The following PTPRK variants were observed in gnomAD, a reference collection of about 807,000 sequenced individuals.
PTPRK encodes the protein protein tyrosine phosphatase receptor type K.
In PTPRK, 75 loss-of-function variants were observed where a neutral mutation model predicts 178.0. The observed-to-expected ratio is 0.42, with a 90% CI of 0.35 to 0.51. The LOEUF (loss-of-function observed/expected upper bound fraction) is 0.51. PTPRK is among the 20% of genes least tolerant of loss of function. The probability of loss-of-function intolerance (pLI) is 0.02; values close to 1 mark genes in which losing one functional copy is unlikely to be tolerated. For synonymous variants in PTPRK, 637 were observed against 620.6 expected, an observed-to-expected ratio of 1.03 and a Z score of -0.39; for missense variants, 1,441 against 1,797.8, an observed-to-expected ratio of 0.80 and a Z score of 3.59.
intron 3 of PTPRK, among the ~76,000 whole-genome samples, chr6:128,285,345 T>C (rs939472312): frequency 9.3e-5 from 14 of 151,078 alleles, no homozygotes; most frequent in African/African-American, 2.9e-4. Flanking sequence ...TGAAACCCTG[T>C]CTCTACTAAA....
chr6:128,087,701 A>G (rs1489345695), intron 8 of PTPRK, among the ~76,000 whole-genome samples: 1 of 152,182 alleles, frequency 6.6e-6, no homozygotes, highest in Non-Finnish European at 1.5e-5. Flanking sequence ...TACCTCAAAC[A>G]TGACAAAAGC....
intron 20 of PTPRK, among the ~76,000 whole-genome samples, 161 bp from the exon 21 acceptor site, chr6:127,991,046 C>T (rs543479250): frequency 6.6e-6 from 1 of 151,982 alleles, no homozygotes; most frequent in Non-Finnish European, 1.5e-5. Flanking sequence ...TTTATATAGT[C>T]TCACAAAAAA....
intron 3 of PTPRK, among the ~76,000 whole-genome samples, chr6:128,313,621 G>C (rs141785410): frequency 2.6e-5 from 4 of 152,252 alleles, no homozygotes; most frequent in Admixed American, 6.5e-5. Flanking sequence ...AGAAAGATTA[G>C]AGTAGTTGCC....
At chr6:128,041,202 C>T (rs182598396) in intron 13 of PTPRK, among the ~76,000 whole-genome samples, 64 of 152,160 alleles carry the variant, frequency 4.2e-4, no homozygotes, top group Non-Finnish European at 3.4e-4. Flanking sequence ...GTTTTAAACA[C>T]ATAAAACAAA....
At chr6:128,195,312 C>T in intron 6 of PTPRK, among the ~76,000 whole-genome samples, 1 of 151,958 alleles carries the variant, frequency 6.6e-6, no homozygotes, top group East Asian at 1.9e-4. Context: ...ATTATAAATA[C>T]ATACTTTGTA....
At chr6:128,441,605 G>GA (rs374656167) in intron 1 of PTPRK, among the ~76,000 whole-genome samples, 1 of 152,218 alleles carries the variant, frequency 6.6e-6, no homozygotes, top group Non-Finnish European at 1.5e-5. Flanking sequence ...AGATAGTGTA[G>GA]AAAAAAGCTA....
chr6:128,001,188 A>G, intron 15 of PTPRK: 1 of 1,527,904 alleles, frequency 6.5e-7, no homozygotes, highest in Non-Finnish European at 8.8e-7. Flanking sequence ...TCTTTGCAAT[A>G]CACTTACCTG....
At chr6:128,515,829 G>A (rs1401673403) in intron 1 of PTPRK, among the ~76,000 whole-genome samples, 1 of 152,140 alleles carries the variant, frequency 6.6e-6, no homozygotes, top group Non-Finnish European at 1.5e-5. Flanking sequence ...GCAAGTAGGG[G>A]AAATGGGAGC....
intron 11 of PTPRK, 67 bp from the exon 12 acceptor site, chr6:128,067,859 GA>G (rs1782095897): frequency 5.7e-6 from 8 of 1,397,698 alleles, no homozygotes; most frequent in Non-Finnish European, 7.6e-6. Context: ...AAGATACTAA[GA>G]TTTTTTTTAA....
At chr6:128,156,281 G>A (rs920148980) in intron 7 of PTPRK, among the ~76,000 whole-genome samples, 1 of 151,760 alleles carries the variant, frequency 6.6e-6, no homozygotes, top group Non-Finnish European at 1.5e-5. Flanking sequence ...AGAATAAAAA[G>A]CATAATACAT....
At chr6:127,999,406 A>G (rs1777535142) in intron 15 of PTPRK, among the ~76,000 whole-genome samples, 1 of 151,850 alleles carries the variant, frequency 6.6e-6, no homozygotes, top group African/African-American at 2.4e-5. Context: ...TTACCACAAC[A>G]CACTCTGCAC....
At chr6:128,507,443 T>A (rs1460234643) in intron 1 of PTPRK, among the ~76,000 whole-genome samples, 1 of 152,022 alleles carries the variant, frequency 6.6e-6, no homozygotes, top group African/African-American at 2.4e-5. Flanking sequence ...AGACCGTGAG[T>A]GTACTTAAAT....
chr6:128,129,875 G>A (rs1332314054), intron 7 of PTPRK, among the ~76,000 whole-genome samples: 3 of 152,042 alleles, frequency 2.0e-5, no homozygotes, highest in African/African-American at 2.4e-5. Flanking sequence ...CATTAATCTT[G>A]CTTAGGCTGA....
chr6:128,252,997 T>C (rs1282411306), intron 3 of PTPRK, among the ~76,000 whole-genome samples: 3 of 152,150 alleles, frequency 2.0e-5, no homozygotes, highest in Non-Finnish European at 2.9e-5. Flanking sequence ...ATTCAGGGCC[T>C]AAGTGTGGTG....
At chr6:128,115,159 C>T (rs1302758858) in intron 7 of PTPRK, among the ~76,000 whole-genome samples, 1 of 152,076 alleles carries the variant, frequency 6.6e-6, no homozygotes, top group Non-Finnish European at 1.5e-5. Context: ...CAGCACCATA[C>T]CCCAAAATCA....
At chr6:128,419,904 T>G (rs1843288440) in intron 1 of PTPRK, among the ~76,000 whole-genome samples, 1 of 152,230 alleles carries the variant, frequency 6.6e-6, no homozygotes, top group African/African-American at 2.4e-5. Context: ...AAGCTGTGCT[T>G]CCAAACTTCC....
chr6:128,441,719 A>G (rs1449808343), intron 1 of PTPRK, among the ~76,000 whole-genome samples: 2 of 152,220 alleles, frequency 1.3e-5, no homozygotes, highest in East Asian at 3.8e-4. Flanking sequence ...TCTAAGAGTC[A>G]ACCAAAAGAT....
chr6:128,432,785 GTAGTT>G (rs1200983607), intron 1 of PTPRK, among the ~76,000 whole-genome samples: 1 of 144,154 alleles, frequency 6.9e-6, no homozygotes, highest in East Asian at 2.0e-4. Flanking sequence ...CTAACTCAAT[GTAGTT>G]TATTCAATTT....
At chr6:128,495,746 A>G (rs1854560360) in intron 1 of PTPRK, among the ~76,000 whole-genome samples, 2 of 152,142 alleles carry the variant, frequency 1.3e-5, no homozygotes, top group Non-Finnish European at 2.9e-5. Context: ...TTAAGTCGTC[A>G]TCGTTAGTTA....
Sources: allele counts gnomAD v4.1 joint callset (sites outside exome capture counted in the v4.1 genomes callset), GRCh38; gene constraint gnomAD v4.1.1; transcripts MANE v1.5; gene names NCBI Gene and HGNC (gene_info 2026-07-23, HGNC 2026-07-21).